SOBP: variants seen among roughly 807,000 people sequenced by gnomAD.
SOBP encodes the protein sine oculis-binding protein homolog.
A neutral mutation model predicts 53.6 loss-of-function variants in SOBP; 4 were observed. The observed-to-expected ratio is 0.07, with a 90% confidence interval of 0.04 to 0.17. The LOEUF is 0.17. SOBP is among the 10% of genes least tolerant of loss of function. The pLI, the probability that SOBP is intolerant of heterozygous loss-of-function variation, is 1.00. For missense variants in SOBP, 1,088 were observed against 1,204.7 expected, an observed-to-expected ratio of 0.90 and a Z score of 1.43; for synonymous variants, 584 against 522.6, an observed-to-expected ratio of 1.12 and a Z score of -1.60.
Position 107,634,742 on chromosome 6 carries a change from C to T in SOBP, c.1898C>T (p.Pro633Leu), listed in dbSNP as rs1357875497. 13 of 1,336,658 alleles carry T rather than the reference C, an allele frequency of 9.7e-6. No individual in the cohort carries two copies. The highest frequency in any genetic ancestry group is 1.1e-5 in the Non-Finnish European group (12 of 1,051,994). 82.8% of individuals were successfully genotyped at this position (1,336,658 alleles called of 1,614,324 possible). A position where few individuals can be genotyped will look rare whatever the true frequency, so the allele number is the denominator to read the frequency against. The stretch of plus-strand genomic sequence containing the variant: ...CGGCGCGCCGGCAGCCCCCCGGGCC[C>T]CCCGGGCGCGGGCGGCCAGCTCGGC... Reference protein sequence around the residue: ...LTRRAGSPPGPPGAGGQLGFP... With the variant: ...LTRRAGSPPGLPGAGGQLGFP... Residue 633 changes from proline (P) to leucine (L), a missense_variant, in exon 6 of 7, where the codon CCC becomes CTC. Coordinates refer to ENST00000317357, the MANE Select transcript of SOBP (RefSeq NM_018013.4). The surrounding 1 kb of genome is among the most constrained non-coding windows in gnomAD (Gnocchi z 4.5).
At chr6:107,525,134 C>G (rs1783625079) in intron 3 of SOBP, among the ~76,000 whole-genome samples, 1 of 152,190 alleles carries the variant, frequency 6.6e-6, no homozygotes, top group African/African-American at 2.4e-5. Context: ...GCATACAAGA[C>G]TGTGGATTTT....
In SOBP at chr6:107,634,086, G is replaced by C; in HGVS notation, c.1242G>C (p.Gly414=). Residue 414 remains glycine, a synonymous_variant, in exon 6 of 7, where the codon GGG becomes GGC. Coordinates refer to ENST00000317357, the MANE Select transcript of SOBP (RefSeq NM_018013.4). The surrounding 1 kb of genome is among the most constrained non-coding windows in gnomAD (Gnocchi z 4.5). ...MQQIRPPFIR[G]PPHHASNPNS... Reference sequence around the variant, plus strand: ...AGATCCGCCCGCCCTTCATCCGCGGGCCTCCGCACCATGCCTCCAACCCCA... The same window carrying C: ...AGATCCGCCCGCCCTTCATCCGCGGCCCTCCGCACCATGCCTCCAACCCCA... 1 of 1,598,568 alleles carries C rather than the reference G, an allele frequency of 6.3e-7. No individual in the cohort carries two copies. Among genetic ancestry groups the C allele is most frequent in the Non-Finnish European group, 8.5e-7 (1 of 1,171,632 alleles).
chr6:107,600,152 T>C (rs918525440), intron 5 of SOBP, among the ~76,000 whole-genome samples: 2 of 152,258 alleles, frequency 1.3e-5, no homozygotes, highest in African/African-American at 2.4e-5. Context: ...TTTTGTCTAA[T>C]TTAGTTTTAG....
At chr6:107,579,082 T>C (rs1427005665) in intron 4 of SOBP, among the ~76,000 whole-genome samples, 1 of 152,204 alleles carries the variant, frequency 6.6e-6, no homozygotes, top group Non-Finnish European at 1.5e-5. Context: ...ATCATTTGTG[T>C]TTCCCTTCCT....
At chr6:107,536,775 T>C (rs1451805761) in intron 4 of SOBP, among the ~76,000 whole-genome samples, 1 of 152,240 alleles carries the variant, frequency 6.6e-6, no homozygotes, top group East Asian at 1.9e-4. Context: ...GAATCACAGC[T>C]GTATTCACTT....
rs538303956 is a variant in SOBP at position 107,564,718 on chromosome 6, C to T, written c.574-22362C>T. On this transcript the variant is annotated intron_variant, in intron 4 of 6. Transcript: ENST00000317357. ...CTCTCAGAGCTCTATGCTTTCAGGC[C>T]GATACTTTATTTTTCAACTTGAAAC... 5.9e-5 allele frequency among the ~76,000 whole-genome samples: 9 copies of T among 152,252 alleles called. No individual in the cohort carries two copies. In the South Asian group the frequency reaches 8.3e-4, roughly 14 times the overall value.
chr6:107,603,553 T>A (rs902476046), intron 5 of SOBP, among the ~76,000 whole-genome samples: 1 of 152,186 alleles, frequency 6.6e-6, no homozygotes, highest in African/African-American at 2.4e-5. Flanking sequence ...TTTACAGACA[T>A]GCCAGGACTG....
rs1313986554 is a variant in SOBP, at chr6:107,635,779, T to C, written c.*3+310T>C. 1.3e-5 allele frequency among the ~76,000 whole-genome samples: 2 copies of C among 152,164 alleles called. No individual in the cohort carries two copies. The highest frequency in any genetic ancestry group is 4.8e-5 in the African/African-American group (2 of 41,454). Reference sequence around the variant, plus strand: ...AAATATTGTCTCTCCAATTACACTTTATTATCATGCTCATCTCCGTAAATC... The same window carrying C: ...AAATATTGTCTCTCCAATTACACTTCATTATCATGCTCATCTCCGTAAATC... On this transcript the variant is annotated intron_variant, in intron 6 of 6. Transcript: ENST00000317357. This position sits in a 1 kb window ranked among gnomAD's most constrained non-coding sequence, Gnocchi z 4.5.
chr6:107,545,696 C>T (rs555700269), intron 4 of SOBP, among the ~76,000 whole-genome samples: 1 of 152,060 alleles, frequency 6.6e-6, no homozygotes, highest in Non-Finnish European at 1.5e-5. Flanking sequence ...CCTTATAAGG[C>T]TAGCTACACC....
At chr6:107,636,799 T>G (rs1484998191) in intron 6 of SOBP, among the ~76,000 whole-genome samples, 3 of 152,166 alleles carry the variant, frequency 2.0e-5, no homozygotes, top group Non-Finnish European at 4.4e-5. Flanking sequence ...CACATTTGTA[T>G]GCAGGCTGTC....
intron 5 of SOBP, among the ~76,000 whole-genome samples, chr6:107,596,143 G>A (rs1785939626): frequency 6.6e-6 from 1 of 152,120 alleles, no homozygotes; most frequent in South Asian, 2.1e-4. Context: ...CTGGATCCCT[G>A]AGAACCATGC....
intron 4 of SOBP, among the ~76,000 whole-genome samples, chr6:107,571,423 A>T (rs1785069790): frequency 1.3e-5 from 2 of 151,064 alleles, no homozygotes; most frequent in African/African-American, 4.9e-5. Flanking sequence ...GTAGAGCGGC[A>T]AGGCTTCTTG....
chr6:107,552,305 C>T (rs1446100035), intron 4 of SOBP, among the ~76,000 whole-genome samples: 1 of 152,136 alleles, frequency 6.6e-6, no homozygotes, highest in Non-Finnish European at 1.5e-5. Context: ...TTTAAGTATG[C>T]ATTTGTCTTG....
chr6:107,546,695 G>A (rs1784310827), intron 4 of SOBP, among the ~76,000 whole-genome samples: 1 of 152,200 alleles, frequency 6.6e-6, no homozygotes, highest in Admixed American at 6.5e-5. Flanking sequence ...ACTATTTGAG[G>A]AGGCTCCTTT....
intron 1 of SOBP, among the ~76,000 whole-genome samples, chr6:107,497,062 T>C (rs541888188): frequency 9.1e-4 from 139 of 152,370 alleles, no homozygotes; most frequent in African/African-American, 3.1e-3. Context: ...GCCTGTCTTC[T>C]GCAGATTACC....
chr6:107,654,347 G>C lies in SOBP; in HGVS notation c.*4-3860G>C, dbSNP rs556683362. Among the ~76,000 whole-genome samples the C allele has an allele frequency of 2.8e-4, 43 of 152,310 alleles. No homozygotes were observed. In the South Asian group the frequency reaches 8.7e-3, roughly 31 times the overall value. On this transcript the variant is annotated intron_variant, in intron 6 of 6. Transcript: ENST00000317357. ...TGGGTTATCCTGCCTTCAGACAAATGCCCAAATCAGAGGAAAACCCAAGTG... is the reference window on the plus strand; with the variant it reads ...TGGGTTATCCTGCCTTCAGACAAATCCCCAAATCAGAGGAAAACCCAAGTG...
intron 4 of SOBP, among the ~76,000 whole-genome samples, chr6:107,562,035 T>TC (rs1784786991): frequency 6.6e-6 from 1 of 151,034 alleles, no homozygotes; most frequent in East Asian, 1.9e-4. Flanking sequence ...TGGTTCTTTT[T>TC]TTTTTTTTTT....
chr6:107,576,764 T>A (rs1217078206), intron 4 of SOBP, among the ~76,000 whole-genome samples: 1 of 152,126 alleles, frequency 6.6e-6, no homozygotes, highest in Non-Finnish European at 1.5e-5. Flanking sequence ...TGAGGTAAAC[T>A]GAGGCTTAGC....
intron 3 of SOBP, chr6:107,529,692 T>G: frequency 4.4e-6 from 4 of 904,728 alleles, no homozygotes; most frequent in Non-Finnish European, 5.3e-6. Context: ...TTTTTAAAAG[T>G]CACCAGATAA....
Sources: gnomAD v4.1 joint callset for allele counts (sites outside exome capture counted in the v4.1 genomes callset) on GRCh38, gnomAD v4.1.1 for gene constraint, Gnocchi (gnomAD v3.1) non-coding constraint, MANE v1.5 for transcripts, NCBI Gene and HGNC (gene_info 2026-07-23, HGNC 2026-07-21) for gene names.